The following CEP70 variants were observed in gnomAD, a reference collection of about 807,000 sequenced individuals.
The protein encoded by CEP70 is centrosomal protein of 70 kDa.
Under a neutral mutation model 90.9 loss-of-function variants are expected in CEP70, and 70 were observed. The observed-to-expected ratio is 0.77, with a 90% CI of 0.64 to 0.94. The LOEUF is 0.94. Ranked by LOEUF, CEP70 falls within the 40% of genes least tolerant of loss-of-function variation. CEP70 has a pLI of 0.00. For missense variants in CEP70, 648 were observed against 669.0 expected (o/e 0.97, Z 0.35); for synonymous variants, 220 against 228.3 (o/e 0.96, Z 0.33).
At chr3:138,527,400 T>C (rs1402643317) in intron 10 of CEP70, among the ~76,000 whole-genome samples, 1 of 151,946 alleles carries the variant, frequency 6.6e-6, no homozygotes, top group Admixed American at 6.6e-5. Flanking sequence ...TGGCTAATTT[T>C]TAAAATTATT....
intron 7 of CEP70, among the ~76,000 whole-genome samples, chr3:138,536,629 A>G (rs1167976662): frequency 6.6e-6 from 1 of 151,978 alleles, no homozygotes; most frequent in East Asian, 1.9e-4. Flanking sequence ...TATGTATTAT[A>G]GGATATAGCA....
intron 2 of CEP70, among the ~76,000 whole-genome samples, chr3:138,580,836 A>G (rs551281570): frequency 6.6e-6 from 1 of 152,154 alleles, no homozygotes; most frequent in Admixed American, 6.5e-5. Flanking sequence ...ATAATTTTTT[A>G]AAGTCAAGCA....
At chr3:138,530,522 A>G in intron 8 of CEP70, 1 of 940,480 alleles carries the variant, frequency 1.1e-6, no homozygotes, top group Non-Finnish European at 1.3e-6. Context: ...CAACAACAAC[A>G]AAAAACTTCG....
intron 2 of CEP70, among the ~76,000 whole-genome samples, chr3:138,578,180 T>C (rs889089403): frequency 6.6e-6 from 1 of 152,206 alleles, no homozygotes; most frequent in Non-Finnish European, 1.5e-5. Flanking sequence ...AATCTGTGGA[T>C]ACAAAACTGG....
Position 138,495,030 on chromosome 3 carries a change from T to C in CEP70, c.1779A>G (p.Lys593=), listed in dbSNP as rs2033868834. The change falls in exon 18 of 18, where the codon AAA becomes AAG. Residue 593 remains lysine (K), a synonymous_variant. Coordinates refer to ENST00000264982, the MANE Select transcript of CEP70 (RefSeq NM_024491.4). ...TGATTTGTTTTCAGTATGAAAGTAC[T>C]TTTAATTTCTTTACTGCAGGTACAA... is the stretch of plus-strand genomic sequence containing the variant. ...DAIVPAVKKL[K]VLSY The C allele has an allele frequency of 1.3e-6, 2 of 1,519,670 alleles. No individual in the cohort carries two copies. The highest frequency in any genetic ancestry group is 3.4e-5 in the Admixed American group (2 of 59,246). 94.1% of individuals were successfully genotyped at this position (1,519,670 alleles called of 1,614,324 possible). A position where few individuals can be genotyped will look rare whatever the true frequency, so the allele number is the denominator to read the frequency against.
intron 13 of CEP70, among the ~76,000 whole-genome samples, chr3:138,502,595 C>CCAGGTAGCAGCGCGGG (rs2034616224): frequency 6.6e-6 from 1 of 150,758 alleles, no homozygotes; most frequent in African/African-American, 2.4e-5. Flanking sequence ...AACCAATGCT[C>CCAGGTAGCAGCGCGGG]CAGGAACAAG....
intron 6 of CEP70, among the ~76,000 whole-genome samples, chr3:138,568,192 G>A (rs548600542): frequency 3.3e-5 from 5 of 152,168 alleles, no homozygotes; most frequent in Admixed American, 2.0e-4. Flanking sequence ...TAAGCTACAC[G>A]ACAAATCTTT....
chr3:138,505,688 C>T (rs2034923065), intron 12 of CEP70, among the ~76,000 whole-genome samples: 1 of 152,130 alleles, frequency 6.6e-6, no homozygotes, highest in South Asian at 2.1e-4. Context: ...TGGGTATTTG[C>T]AGTCCAAATG....
intron 7 of CEP70, 130 bp from the exon 8 acceptor site, chr3:138,532,700 A>G: frequency 1.2e-6 from 1 of 813,390 alleles, no homozygotes; most frequent in Non-Finnish European, 1.7e-6. Flanking sequence ...TAAAAAATTT[A>G]AGTGATTCTT....
intron 10 of CEP70, among the ~76,000 whole-genome samples, chr3:138,526,335 A>AT (rs1357211174): frequency 3.4e-5 from 5 of 149,176 alleles, no homozygotes; most frequent in Non-Finnish European, 5.9e-5. Flanking sequence ...TGATTTTTGT[A>AT]TTTTTTTTGG....
chr3:138,593,314 CCGAGTT>C (rs1207343966), intron 1 of CEP70, among the ~76,000 whole-genome samples: 1 of 152,166 alleles, frequency 6.6e-6, no homozygotes, highest in Non-Finnish European at 1.5e-5. Context: ...CCTCCGCCTC[CCGAGTT>C]CAAGCGATTC....
chr3:138,529,277 T>C lies in CEP70; in HGVS notation c.791A>G (p.Asn264Ser). ...TYKGLLMSLQ[N>S]QLKESKSKID... ...CTTAGATTTTGATTCCTTGAGTTGA[T>C]TCTGTAATGACTGCAACACATTTCA... The change falls in exon 10 of 18, where the codon AAT becomes AGT. Residue 264 changes from asparagine (N) to serine (S), a missense_variant. Physicochemically the swap from Asn to Ser is conservative, Grantham distance 46. Transcript: ENST00000264982. 1 of 1,605,312 alleles carries C rather than the reference T, an allele frequency of 6.2e-7. No individual in the cohort carries two copies. Among genetic ancestry groups the C allele is most frequent in the Non-Finnish European group, 8.5e-7 (1 of 1,174,652 alleles).
At chr3:138,575,954 C>A (rs1246478070) in intron 2 of CEP70, among the ~76,000 whole-genome samples, 2 of 152,120 alleles carry the variant, frequency 1.3e-5, no homozygotes, top group Non-Finnish European at 2.9e-5. Flanking sequence ...GAAGGAAGCA[C>A]TAAACATGGA....
At chr3:138,571,575 A>C (rs929900905) in intron 3 of CEP70, among the ~76,000 whole-genome samples, 4 of 152,202 alleles carry the variant, frequency 2.6e-5, no homozygotes, top group African/African-American at 4.8e-5. Flanking sequence ...GTTGCATTAT[A>C]CAGAATACTC....
At chr3:138,571,841 C>A (rs980442719) in intron 3 of CEP70, among the ~76,000 whole-genome samples, 1 of 152,146 alleles carries the variant, frequency 6.6e-6, no homozygotes, top group Non-Finnish European at 1.5e-5. Flanking sequence ...TGCAGCGGTA[C>A]GATCTCGGCT....
At chr3:138,562,277 C>T (rs2108058891) in intron 6 of CEP70, among the ~76,000 whole-genome samples, 1 of 152,230 alleles carries the variant, frequency 6.6e-6, no homozygotes, top group African/African-American at 2.4e-5. Context: ...TTGGAAAACA[C>T]TCTTTAGGAT....
chr3:138,515,534 G>A (rs981898731), intron 11 of CEP70, among the ~76,000 whole-genome samples: 3 of 149,298 alleles, frequency 2.0e-5, no homozygotes, highest in African/African-American at 7.4e-5. Context: ...TATAGTATGA[G>A]AGCTCAAACA....
intron 6 of CEP70, among the ~76,000 whole-genome samples, chr3:138,559,151 A>C (rs189347407): frequency 1.3e-5 from 2 of 152,196 alleles, no homozygotes; most frequent in South Asian, 4.1e-4. Context: ...ACTAAAAAAT[A>C]CAATAACCGA....
chr3:138,530,298 C>T (rs1027556044), intron 8 of CEP70, among the ~76,000 whole-genome samples: 5 of 152,110 alleles, frequency 3.3e-5, no homozygotes, highest in African/African-American at 1.2e-4. Flanking sequence ...TTAAACACAA[C>T]TTTATTGTTT....
Sources: gnomAD v4.1 joint callset for allele counts (sites outside exome capture counted in the v4.1 genomes callset) on GRCh38, gnomAD v4.1.1 for gene constraint, MANE v1.5 for transcripts, NCBI Gene and HGNC (gene_info 2026-07-23, HGNC 2026-07-21) for gene names.